The following CYB561D2 variants were observed in gnomAD, a reference collection of about 807,000 sequenced individuals.
CYB561D2 encodes the protein cytochrome b561 family member D2, also known as transmembrane reductase CYB561D2.
A neutral mutation model predicts 20.2 loss-of-function variants in CYB561D2; 16 were observed. That is an observed-to-expected ratio of 0.79 (90% CI 0.53 to 1.20). CYB561D2 has a LOEUF of 1.20. CYB561D2 is among the 50% of genes most tolerant of loss of function. CYB561D2 has a pLI of 0.00. For synonymous variants in CYB561D2, 135 were observed against 128.3 expected, an observed-to-expected ratio of 1.05 and a Z score of -0.35; for missense variants, 247 against 270.3, an observed-to-expected ratio of 0.91 and a Z score of 0.60.
At position 50,350,909 on chromosome 3, in the gene CYB561D2, C is replaced by T; in HGVS notation, c.-101C>T. ...GCGGCTCCGTGACGGAGCGGCGGTGCGCGCGGCAGGGCCCGGAGTATCCCG... is the reference window on the plus strand; with the variant it reads ...GCGGCTCCGTGACGGAGCGGCGGTGTGCGCGGCAGGGCCCGGAGTATCCCG... On this transcript the variant is annotated 5_prime_UTR_variant, in exon 1 of 4. Transcript: ENST00000425346. The surrounding 1 kb of genome is among the most constrained non-coding windows in gnomAD (Gnocchi z 5.7). The T allele has an allele frequency of 7.2e-7, 1 of 1,391,764 alleles. No individual in the cohort carries two copies. The highest frequency in any genetic ancestry group is 9.3e-7 in the Non-Finnish European group (1 of 1,077,818). 86.2% of individuals were successfully genotyped at this position (1,391,764 alleles called of 1,614,324 possible).
rs1265155913 is a variant in CYB561D2, at chr3:50,353,600, G to A, written c.525G>A (p.Leu175=). ...ACCTGCTGGGTAGTGCCAGCCTCTT[G>A]CTGGGCATGTGCTCACTCTGGTTCA... ...VGYLLGSASL[L]LGMCSLWFTA... is the part of the protein sequence containing the mutation. The change falls in exon 4 of 4, where the codon TTG becomes TTA. Residue 175 remains leucine, a synonymous_variant. Coordinates refer to ENST00000425346, the MANE Select transcript of CYB561D2 (RefSeq NM_001291284.2). 6.2e-7 allele frequency: 1 copy of A among 1,613,776 alleles called. No homozygotes were observed. The highest frequency in any genetic ancestry group is 1.1e-5 in the South Asian group (1 of 91,088).
At chr3:50,352,126 C>A in intron 3 of CYB561D2, 80 bp downstream of exon 3, 1 of 1,503,536 alleles carries the variant, frequency 6.7e-7, no homozygotes, top group Non-Finnish European at 9.2e-7. Context: ...GAATCTTTGT[C>A]CACATTTAAT....
At chr3:50,352,193 A>T in intron 3 of CYB561D2, 147 bp downstream of exon 3, 1 of 1,038,946 alleles carries the variant, frequency 9.6e-7, no homozygotes, top group Non-Finnish European at 1.4e-6. Context: ...TATATTTCAG[A>T]CTTGAGGCTG....
Position 50,350,916 on chromosome 3 carries a change from C to G in CYB561D2, c.-94C>G. 7.2e-7 allele frequency: 1 copy of G among 1,393,250 alleles called. No individual in the cohort carries two copies. The highest frequency in any genetic ancestry group is 1.6e-5 in the South Asian group (1 of 62,506). The allele number at this position is 1,393,250 out of a possible 1,614,324, so 86.3% of individuals were successfully genotyped here. A position where few individuals can be genotyped will look rare whatever the true frequency, so the allele number is the denominator to read the frequency against. ...CGTGACGGAGCGGCGGTGCGCGCGG[C>G]AGGGCCCGGAGTATCCCGCTTTCTT... On this transcript the variant is annotated 5_prime_UTR_variant, in exon 1 of 4. Coordinates refer to ENST00000425346, the MANE Select transcript of CYB561D2 (RefSeq NM_001291284.2). This position sits in a 1 kb window ranked among gnomAD's most constrained non-coding sequence, Gnocchi z 5.7.
At chr3:50,352,377 G>T (rs1315620333) in intron 3 of CYB561D2, among the ~76,000 whole-genome samples, 2 of 151,860 alleles carry the variant, frequency 1.3e-5, no homozygotes, top group Non-Finnish European at 2.9e-5. Flanking sequence ...CTACTCGGGA[G>T]GCTGAGGCAG....
Position 50,353,850 on chromosome 3 carries a change from G to A in CYB561D2, c.*106G>A, listed in dbSNP as rs1703826938. 3 of 1,350,888 alleles carry A rather than the reference G, an allele frequency of 2.2e-6. No individual in the cohort carries two copies. In the South Asian group the frequency reaches 4.3e-5, roughly 19 times the overall value. 83.7% of individuals were successfully genotyped at this position (1,350,888 alleles called of 1,614,324 possible). A position where few individuals can be genotyped will look rare whatever the true frequency, so the allele number is the denominator to read the frequency against. ...TGAGTCAGGGGACACCTCAGGCACT[G>A]GGACAGTTGGGCATTTGGAGGCCCG... On this transcript the variant is annotated 3_prime_UTR_variant, in exon 4 of 4. Coordinates refer to ENST00000425346, the MANE Select transcript of CYB561D2 (RefSeq NM_001291284.2).
At chr3:50,352,372 C>T (rs1326336770) in intron 3 of CYB561D2, among the ~76,000 whole-genome samples, 8 of 151,336 alleles carry the variant, frequency 5.3e-5, no homozygotes, top group African/African-American at 1.7e-4. Context: ...CCCAGCTACT[C>T]GGGAGGCTGA....
At position 50,351,427 on chromosome 3, in the gene CYB561D2, G is replaced by A; in HGVS notation, c.-7G>A. ...CTTTCAGGCTACAACCACTAGCACG[G>A]CTGACGATGGCCCTTTCTGCGGAGA... On this transcript the variant is annotated 5_prime_UTR_variant, in exon 2 of 4. Coordinates refer to ENST00000425346, the MANE Select transcript of CYB561D2 (RefSeq NM_001291284.2). 2 of 1,613,136 alleles carry A rather than the reference G, an allele frequency of 1.2e-6. No individual in the cohort carries two copies. Among genetic ancestry groups the A allele is most frequent in the Non-Finnish European group, 8.5e-7 (1 of 1,179,612 alleles).
chr3:50,351,068 G>A lies in CYB561D2; in HGVS notation c.-26+84G>A, dbSNP rs587620452. 4.7e-4 allele frequency: 226 copies of A among 478,108 alleles called. 9 individuals carry two copies. In the South Asian group the frequency reaches 6.5e-3, roughly 14 times the overall value. The allele number at this position is 478,108 out of a possible 1,614,324, so 29.6% of individuals were successfully genotyped here. A position where few individuals can be genotyped will look rare whatever the true frequency, so the allele number is the denominator to read the frequency against. On this transcript the variant is annotated intron_variant, in intron 1 of 3. Transcript: ENST00000425346. ...AGGGATTCACGCTGTAACTGGGACC[G>A]CAGCAGGGAACTACAATTTCCATAG...
In CYB561D2 at chr3:50,352,035, A is replaced by G. The variant is rs969206945; in HGVS notation, c.154A>G (p.Met52Val). The change falls in exon 3 of 4, where the codon ATG becomes GTG. Residue 52 changes from methionine to valine, a missense_variant. By Grantham distance (21) the Met-to-Val change is conservative (BLOSUM62 1). Transcript: ENST00000425346. ...CCTGTTCTCCTGGCACCCGGTGCTT[A>G]TGTCTTTGGCTGTAAGTAGTGGGCC... ...SSLFSWHPVL[M>V]SLAFSFLMTE... 6.2e-7 allele frequency: 1 copy of G among 1,613,620 alleles called. No individual in the cohort carries two copies. Among genetic ancestry groups the G allele is most frequent in the Non-Finnish European group, 8.5e-7 (1 of 1,179,894 alleles).
chr3:50,351,076 G>A (rs1703746662), intron 1 of CYB561D2, 92 bp downstream of exon 1: 3 of 476,036 alleles, frequency 6.3e-6, no homozygotes, highest in Non-Finnish European at 1.0e-5. Context: ...CCGCAGCAGG[G>A]AACTACAATT....
Position 50,351,467 on chromosome 3 carries a change from T to C in CYB561D2, c.34T>C (p.Tyr12His), listed in dbSNP as rs147172895. The C allele has an allele frequency of 2.5e-6, 4 of 1,613,646 alleles. No homozygotes were observed. The highest frequency in any genetic ancestry group is 3.4e-6 in the Non-Finnish European group (4 of 1,179,990). The change falls in exon 2 of 4, where the codon TAC becomes CAC. Residue 12 changes from tyrosine to histidine, a missense_variant. By Grantham distance (83) the Tyr-to-His change is moderately conservative. Coordinates refer to ENST00000425346, the MANE Select transcript of CYB561D2 (RefSeq NM_001291284.2). ...TTCTGCGGAGACCGAGTCACACATCTACCGAGCTCTGCGTACTGCTTCTGG... is the reference window on the plus strand; with the variant it reads ...TTCTGCGGAGACCGAGTCACACATCCACCGAGCTCTGCGTACTGCTTCTGG... ...ALSAETESHIYRALRTASGAA... is the reference protein window; with the variant it reads ...ALSAETESHIHRALRTASGAA...
chr3:50,351,454 C>G lies in CYB561D2; in HGVS notation c.21C>G (p.Thr7=), dbSNP rs1451392129. The G allele has an allele frequency of 1.9e-6, 3 of 1,613,654 alleles. No homozygotes were observed. The highest frequency in any genetic ancestry group is 2.2e-5 in the South Asian group (2 of 91,078). MALSAE[T]ESHIYRALRT... Reference sequence around the variant, plus strand: ...TGACGATGGCCCTTTCTGCGGAGACCGAGTCACACATCTACCGAGCTCTGC... The same window carrying G: ...TGACGATGGCCCTTTCTGCGGAGACGGAGTCACACATCTACCGAGCTCTGC... The change falls in exon 2 of 4, where the codon ACC becomes ACG. Residue 7 remains threonine (T), a synonymous_variant. Coordinates refer to ENST00000425346, the MANE Select transcript of CYB561D2 (RefSeq NM_001291284.2).
rs1490384339 is a variant in CYB561D2 at position 50,353,384 on chromosome 3, T to C, written c.309T>C (p.Leu103=). ...ALLCALLGLG[L]VILHKEQLGK... ...TGTGTGCACTGCTGGGCCTCGGCCT[T>C]GTCATCCTCCACAAAGAGCAGCTTG... Residue 103 remains leucine, a synonymous_variant, in exon 4 of 4, where the codon CTT becomes CTC. Transcript: ENST00000425346. 1.2e-6 allele frequency: 2 copies of C among 1,613,490 alleles called. No homozygotes were observed. Among genetic ancestry groups the C allele is most frequent in the East Asian group, 2.2e-5 (1 of 44,890 alleles).
chr3:50,353,553 G>A lies in CYB561D2; in HGVS notation c.478G>A (p.Ala160Thr), dbSNP rs1703821225. The change falls in exon 4 of 4, where the codon GCT becomes ACT. Residue 160 changes from alanine (A) to threonine (T), a missense_variant. Physicochemically the swap from Ala to Thr is moderately conservative, Grantham distance 58 (BLOSUM62 0). Coordinates refer to ENST00000425346, the MANE Select transcript of CYB561D2 (RefSeq NM_001291284.2). ...CCTGGCGAAGCTCAAGCTATACCAT[G>A]CTACTTCTGGGCTGGTGGGCTACCT... ...WPLAKLKLYH[A>T]TSGLVGYLLG... The A allele has an allele frequency of 6.2e-7, 1 of 1,613,644 alleles. No homozygotes were observed. Among genetic ancestry groups the A allele is most frequent in the Non-Finnish European group, 8.5e-7 (1 of 1,180,046 alleles).
intron 3 of CYB561D2, among the ~76,000 whole-genome samples, chr3:50,352,373 G>A (rs1358497685): frequency 6.6e-6 from 1 of 151,682 alleles, no homozygotes; most frequent in Non-Finnish European, 1.5e-5. Context: ...CCAGCTACTC[G>A]GGAGGCTGAG....
rs145546128 is a variant in CYB561D2, at chr3:50,353,552, T to C, written c.477T>C (p.His159=). The C allele has an allele frequency of 9.9e-6, 16 of 1,613,718 alleles. No individual in the cohort carries two copies. The highest frequency in any genetic ancestry group is 1.7e-4 in the Middle Eastern group (1 of 6,058). The stretch of plus-strand genomic sequence containing the variant: ...CCCTGGCGAAGCTCAAGCTATACCA[T>C]GCTACTTCTGGGCTGGTGGGCTACC... ...RWPLAKLKLY[H]ATSGLVGYLL... Residue 159 remains histidine, a synonymous_variant, in exon 4 of 4, where the codon CAT becomes CAC. Transcript: ENST00000425346.
In CYB561D2 at chr3:50,350,957, C is replaced by T. The variant is rs1298293194; in HGVS notation, c.-53C>T. The T allele has an allele frequency of 3.5e-5, 46 of 1,309,828 alleles. No homozygotes were observed. In the Admixed American group the frequency reaches 1.6e-3, roughly 46 times the overall value. 81.1% of individuals were successfully genotyped at this position (1,309,828 alleles called of 1,614,324 possible). ...CCGCTTTCTTTGGAGGAAACCACCG[C>T]ATCAGATCTGCGCTGCGGCAGAGGC... On this transcript the variant is annotated 5_prime_UTR_variant, in exon 1 of 4. Transcript: ENST00000425346. This position sits in a 1 kb window ranked among gnomAD's most constrained non-coding sequence, Gnocchi z 5.7.
Position 50,353,307 on chromosome 3 carries a change from T to C in CYB561D2, c.232T>C (p.Ser78Pro), listed in dbSNP as rs369260588. ...SPESSLLHSLSRKGRARCHWV... is the reference protein window; with the variant it reads ...SPESSLLHSLPRKGRARCHWV... ...TGAGAGTTCGCTGCTGCACTCCCTC[T>C]CACGGAAAGGCCGAGCACGCTGCCA... is the stretch of plus-strand genomic sequence containing the variant. The change falls in exon 4 of 4, where the codon TCA becomes CCA. Residue 78 changes from serine (S) to proline (P), a missense_variant. Physicochemically the swap from Ser to Pro is moderately conservative, Grantham distance 74. Transcript: ENST00000425346. 24 of 1,603,958 alleles carry C rather than the reference T, an allele frequency of 1.5e-5. No individual in the cohort carries two copies. Among genetic ancestry groups the C allele is most frequent in the Non-Finnish European group, 6.8e-6 (8 of 1,172,260 alleles).
Sources: allele counts gnomAD v4.1 joint callset (sites outside exome capture counted in the v4.1 genomes callset), GRCh38; gene constraint gnomAD v4.1.1; non-coding constraint Gnocchi (gnomAD v3.1); transcripts MANE v1.5; gene names NCBI Gene and HGNC (gene_info 2026-07-23, HGNC 2026-07-21).